LFNG: variants seen among roughly 807,000 people sequenced by gnomAD.
LFNG encodes LFNG O-fucosylpeptide 3-beta-N-acetylglucosaminyltransferase.
LFNG carries 15 observed loss-of-function variants against 32.7 expected under a neutral mutation model. The ratio of observed to expected loss-of-function variants is 0.46; its 90% CI spans 0.31 to 0.71. The LOEUF (loss-of-function observed/expected upper bound fraction) is 0.71. Among genes scored for constraint, LFNG ranks in the 30% least tolerant of loss-of-function variants. The pLI, the probability that LFNG is intolerant of heterozygous loss-of-function variation, is 0.06. For synonymous variants in LFNG, 274 were observed against 246.8 expected (o/e 1.11, Z -1.03); for missense variants, 520 against 545.7 (o/e 0.95, Z 0.47).
In LFNG at chr7:2,526,141, C is replaced by A; in HGVS notation, c.822-103C>A. The A allele has an allele frequency of 7.9e-7, 1 of 1,263,344 alleles. No homozygotes were observed. Among genetic ancestry groups the A allele is most frequent in the Non-Finnish European group, 1.1e-6 (1 of 889,246 alleles). The allele number at this position is 1,263,344 out of a possible 1,614,324, so 78.3% of individuals were successfully genotyped here. ...GCAGCCCAGAGCTCTCCTCAGGGCT[C>A]CTCTCCCTGAGGAGTGCAGCGCCTT... On this transcript the variant is annotated intron_variant, in intron 5 of 7. Coordinates refer to ENST00000222725, the MANE Select transcript of LFNG (RefSeq NM_001040167.2). The surrounding 1 kb of genome is among the most constrained non-coding windows in gnomAD (Gnocchi z 6.9).
chr7:2,526,933 C>G lies in LFNG; in HGVS notation c.1073+12C>G, dbSNP rs1001897517. 2.5e-6 allele frequency: 4 copies of G among 1,611,610 alleles called. No homozygotes were observed. In the African/African-American group the frequency reaches 5.3e-5, roughly 22 times the overall value. On this transcript the variant is annotated intron_variant, in intron 7 of 7. Coordinates refer to ENST00000222725, the MANE Select transcript of LFNG (RefSeq NM_001040167.2). The surrounding 1 kb of genome is among the most constrained non-coding windows in gnomAD (Gnocchi z 6.9). ...GCCGACCCATCCAGGTAAGGAAACC[C>G]CGGCCCAGATGGGCTTGCGTAGGGT...
chr7:2,515,457 C>T (rs545207038), upstream of LFNG, among the ~76,000 whole-genome samples: 38 of 152,278 alleles, frequency 2.5e-4, no homozygotes, highest in Non-Finnish European at 4.6e-4. Flanking sequence ...ATGGGGAGGA[C>T]GTTCTAGGAG....
rs1583275745 is a variant in LFNG, at chr7:2,524,883, C to T, written c.481+140C>T. 1.6e-5 allele frequency: 12 copies of T among 771,532 alleles called. No individual in the cohort carries two copies. The Admixed American group carries it at 1.9e-4, about 12-fold the overall frequency. 47.8% of individuals were successfully genotyped at this position (771,532 alleles called of 1,614,324 possible). A position where few individuals can be genotyped will look rare whatever the true frequency, so the allele number is the denominator to read the frequency against. On this transcript the variant is annotated intron_variant, in intron 2 of 7. Transcript: ENST00000222725. ...GGGCAGTTTACTCATGGGGTTTGCTCCATGCCCCGCCCCACCACTCGGGCC... is the reference window on the plus strand; with the variant it reads ...GGGCAGTTTACTCATGGGGTTTGCTTCATGCCCCGCCCCACCACTCGGGCC...
chr7:2,519,395 G>A (rs1048972953), upstream of LFNG, among the ~76,000 whole-genome samples: 3 of 152,168 alleles, frequency 2.0e-5, no homozygotes, highest in African/African-American at 7.2e-5. Flanking sequence ...CCCAGAGCCC[G>A]GGTCTCAGCA....
At chr7:2,517,135 G>A (rs1399203060), upstream of LFNG, among the ~76,000 whole-genome samples, 1 of 152,222 alleles carries the variant, frequency 6.6e-6, no homozygotes, top group Non-Finnish European at 1.5e-5. Context: ...CCTGGGGTCT[G>A]GATGGGGAGG....
upstream of LFNG, chr7:2,517,572 C>T (rs539800722): frequency 6.3e-5 from 26 of 412,212 alleles, no homozygotes; most frequent in Admixed American, 1.5e-4. Context: ...GCAGGAGTTG[C>T]GGGGGTGGGG....
At position 2,527,516 on chromosome 7, in the gene LFNG, A is replaced by G; in HGVS notation, c.*304A>G. The G allele has an allele frequency of 7.5e-7, 1 of 1,337,076 alleles. No homozygotes were observed. The highest frequency in any genetic ancestry group is 9.6e-7 in the Non-Finnish European group (1 of 1,036,426). 82.8% of individuals were successfully genotyped at this position (1,337,076 alleles called of 1,614,324 possible). ...AGGCCACTCCGAGGGCAATTCTGTT[A>G]GGATTTTTGGATCTTTCTACAGCTA... On this transcript the variant is annotated 3_prime_UTR_variant, in exon 8 of 8. Coordinates refer to ENST00000222725, the MANE Select transcript of LFNG (RefSeq NM_001040167.2). The surrounding 1 kb of genome is among the most constrained non-coding windows in gnomAD (Gnocchi z 4.4).
intron 1 of LFNG, chr7:2,523,662 C>T (rs754097170): frequency 6.6e-6 from 1 of 152,240 alleles, no homozygotes; most frequent in Non-Finnish European, 1.5e-5. Flanking sequence ...GCGGCCCCCT[C>T]CTCTTCCGCA....
chr7:2,514,398 G>A (rs965259580), upstream of LFNG, among the ~76,000 whole-genome samples: 6 of 152,142 alleles, frequency 3.9e-5, no homozygotes, highest in Admixed American at 2.0e-4. Context: ...ATCACATCAC[G>A]GTCCCGCTGT....
rs201724400 is a variant in LFNG, at chr7:2,525,714, C to T, written c.765C>T (p.Gly255=). Residue 255 remains glycine (G), a synonymous_variant, in exon 5 of 8, where the codon GGC becomes GGT. Transcript: ENST00000222725. ...CTGTCCACTTCTGGTTTGCCACGGG[C>T]GGCGCTGGCTTCTGCATCAGCCGTG... ...VRPVHFWFAT[G]GAGFCISRGL... 57 of 1,613,034 alleles carry T rather than the reference C, an allele frequency of 3.5e-5. No individual in the cohort carries two copies. Among genetic ancestry groups the T allele is most frequent in the African/African-American group, 2.9e-4 (22 of 75,074 alleles).
In LFNG at chr7:2,526,558, T is replaced by C. The variant is rs1030452768; in HGVS notation, c.987+149T>C. 1 of 880,830 alleles carries C rather than the reference T, an allele frequency of 1.1e-6. No homozygotes were observed. Among genetic ancestry groups the C allele is most frequent in the Non-Finnish European group, 1.8e-6 (1 of 565,416 alleles). The allele number at this position is 880,830 out of a possible 1,614,324, so 54.6% of individuals were successfully genotyped here. A position where few individuals can be genotyped will look rare whatever the true frequency, so the allele number is the denominator to read the frequency against. On this transcript the variant is annotated intron_variant, in intron 6 of 7. Transcript: ENST00000222725. This position sits in a 1 kb window ranked among gnomAD's most constrained non-coding sequence, Gnocchi z 6.9. ...CAGCCAGGGGGGGTCACTCCTGCCATGAGCTCAAAGCTGTTTATGGCGGGT... is the reference window on the plus strand; with the variant it reads ...CAGCCAGGGGGGGTCACTCCTGCCACGAGCTCAAAGCTGTTTATGGCGGGT...
At position 2,526,707 on chromosome 7, in the gene LFNG, C is replaced by A. The variant is rs2128378018; in HGVS notation, c.988-129C>A. 1.2e-6 allele frequency: 1 copy of A among 859,388 alleles called. No individual in the cohort carries two copies. The highest frequency in any genetic ancestry group is 1.4e-5 in the South Asian group (1 of 70,070). 53.2% of individuals were successfully genotyped at this position (859,388 alleles called of 1,614,324 possible). On this transcript the variant is annotated intron_variant, in intron 6 of 7. Coordinates refer to ENST00000222725, the MANE Select transcript of LFNG (RefSeq NM_001040167.2). This position sits in a 1 kb window ranked among gnomAD's most constrained non-coding sequence, Gnocchi z 6.9. ...GACCTTATTCCTGGGGTGTGCAGGG[C>A]AGGTGTCCTTCCAGGTCCAAGGGAG...
upstream of LFNG, chr7:2,517,712 C>T (rs1247498465): frequency 1.7e-5 from 8 of 484,840 alleles, no homozygotes; most frequent in Non-Finnish European, 3.2e-5. Context: ...AGTCCAGGTA[C>T]AGAGCACAAC....
chr7:2,516,172 C>T (rs1231419399), upstream of LFNG, among the ~76,000 whole-genome samples: 1 of 152,248 alleles, frequency 6.6e-6, no homozygotes, highest in Non-Finnish European at 1.5e-5. Context: ...GAGCCACAGC[C>T]ACCACCATGC....
chr7:2,517,850 A>G, upstream of LFNG: 3 of 1,221,036 alleles, frequency 2.5e-6, no homozygotes, highest in Non-Finnish European at 3.2e-6. Flanking sequence ...TAACTCAGCC[A>G]GTGGAGAGCT....
At chr7:2,525,635 G>T (rs753406014) in intron 4 of LFNG, 50 bp from the exon 5 acceptor site, 1 of 1,611,858 alleles carries the variant, frequency 6.2e-7, no homozygotes, top group South Asian at 1.1e-5. Context: ...GGGTGGGACC[G>T]TGAGGGGCAG....
chr7:2,526,093 G>A lies in LFNG; in HGVS notation c.822-151G>A. The A allele has an allele frequency of 1.3e-6, 1 of 759,520 alleles. No homozygotes were observed. Among genetic ancestry groups the A allele is most frequent in the South Asian group, 1.7e-5 (1 of 57,650 alleles). The allele number at this position is 759,520 out of a possible 1,614,324, so 47.0% of individuals were successfully genotyped here. A position where few individuals can be genotyped will look rare whatever the true frequency, so the allele number is the denominator to read the frequency against. On this transcript the variant is annotated intron_variant, in intron 5 of 7. Coordinates refer to ENST00000222725, the MANE Select transcript of LFNG (RefSeq NM_001040167.2). The surrounding 1 kb of genome is among the most constrained non-coding windows in gnomAD (Gnocchi z 6.9). Reference sequence around the variant, plus strand: ...TGTGCAGGGAGTGTGCCCTGGCTGTGGCCAGGGGAGGCAGAGGGAGCTGCA... The same window carrying A: ...TGTGCAGGGAGTGTGCCCTGGCTGTAGCCAGGGGAGGCAGAGGGAGCTGCA...
upstream of LFNG, among the ~76,000 whole-genome samples, chr7:2,516,959 C>T (rs1779641987): frequency 2.0e-5 from 3 of 152,156 alleles, no homozygotes; most frequent in Admixed American, 2.0e-4. Flanking sequence ...CTATCCCCAG[C>T]CCCTCTTCCC....
rs1340296996 is a variant in LFNG at position 2,528,325 on chromosome 7, A to G, written c.*1113A>G. The G allele has an allele frequency of 2.0e-6, 2 of 986,038 alleles. No individual in the cohort carries two copies. Among genetic ancestry groups the G allele is most frequent in the Non-Finnish European group, 2.4e-6 (2 of 830,026 alleles). The allele number at this position is 986,038 out of a possible 1,614,324, so 61.1% of individuals were successfully genotyped here. A position where few individuals can be genotyped will look rare whatever the true frequency, so the allele number is the denominator to read the frequency against. On this transcript the variant is annotated 3_prime_UTR_variant, in exon 8 of 8. Transcript: ENST00000222725. ...TCTTGTTGTTTTTCTCTTTGCAAAGACATAGCTAGGAAAGCGAATGATAAG... is the reference window on the plus strand; with the variant it reads ...TCTTGTTGTTTTTCTCTTTGCAAAGGCATAGCTAGGAAAGCGAATGATAAG...
Sources: gnomAD v4.1 joint callset for allele counts (sites outside exome capture counted in the v4.1 genomes callset) on GRCh38, gnomAD v4.1.1 for gene constraint, Gnocchi (gnomAD v3.1) non-coding constraint, MANE v1.5 for transcripts, NCBI Gene and HGNC (gene_info 2026-07-23, HGNC 2026-07-21) for gene names.